The following TTC1 variants were observed in gnomAD, a reference collection of about 807,000 sequenced individuals.
The protein encoded by TTC1 is tetratricopeptide repeat protein 1.
TTC1 carries 31 observed loss-of-function variants against 37.6 expected under a neutral mutation model. The ratio of observed to expected loss-of-function variants is 0.82; its 90% confidence interval spans 0.62 to 1.11. The LOEUF (loss-of-function observed/expected upper bound fraction) is 1.11. Among genes scored for constraint, TTC1 ranks in the 50% most tolerant of loss-of-function variants. The probability of loss-of-function intolerance (pLI) is 0.00; values close to 1 mark genes in which losing one functional copy is unlikely to be tolerated. For missense variants in TTC1, 351 were observed against 339.0 expected (o/e 1.04, Z -0.28); for synonymous variants, 127 against 122.4 (o/e 1.04, Z -0.25).
intron 7 of TTC1, among the ~76,000 whole-genome samples, chr5:160,059,617 T>C (rs888412636): frequency 2.6e-5 from 4 of 152,214 alleles, no homozygotes; most frequent in Admixed American, 2.0e-4. Flanking sequence ...AATATTGTTG[T>C]GGCTTAGGGA....
At chr5:160,032,856 G>A (rs1348492544) in intron 2 of TTC1, among the ~76,000 whole-genome samples, 3 of 151,322 alleles carry the variant, frequency 2.0e-5, no homozygotes, top group African/African-American at 7.3e-5. Context: ...TGGGACTACA[G>A]GCGCCTGCCA....
At chr5:160,010,092 T>C (rs1756468287) in intron 1 of TTC1, among the ~76,000 whole-genome samples, 1 of 152,042 alleles carries the variant, frequency 6.6e-6, no homozygotes, top group African/African-American at 2.4e-5. Flanking sequence ...GCTTCTTTTG[T>C]TGCTTTTAAG....
At chr5:160,009,597 C>CAGAA (rs1554094757) in intron 1 of TTC1, among the ~76,000 whole-genome samples, 5 of 151,912 alleles carry the variant, frequency 3.3e-5, no homozygotes, top group Admixed American at 3.3e-4. Flanking sequence ...GGGATGAAAA[C>CAGAA]ATAAATAAAT....
At chr5:160,061,473 C>G (rs2113421244) in intron 7 of TTC1, among the ~76,000 whole-genome samples, 1 of 152,354 alleles carries the variant, frequency 6.6e-6, no homozygotes, top group South Asian at 2.1e-4. Context: ...CTTTGCATCT[C>G]TACCACACAT....
chr5:160,034,498 A>T (rs1265305624), intron 2 of TTC1, among the ~76,000 whole-genome samples: 2 of 152,162 alleles, frequency 1.3e-5, no homozygotes, highest in African/African-American at 4.8e-5. Context: ...TTGTACCCAC[A>T]AATGTGCTCT....
chr5:160,019,580 CTTTTTTTTTTTT>C (rs201420281), intron 2 of TTC1, among the ~76,000 whole-genome samples: 1 of 108,708 alleles, frequency 9.2e-6, no homozygotes, highest in African/African-American at 3.5e-5. Context: ...TTCTTTCATT[CTTTTTTTTTTTT>C]TTTTTTTTTT....
At chr5:160,019,580 C>CTTTTTTTTTTTTTTTT (rs201420281) in intron 2 of TTC1, among the ~76,000 whole-genome samples, 2 of 108,708 alleles carry the variant, frequency 1.8e-5, no homozygotes, top group Admixed American at 1.1e-4. Context: ...TTCTTTCATT[C>CTTTTTTTTTTTTTTTT]TTTTTTTTTT....
At chr5:160,035,118 G>A (rs765448335) in intron 2 of TTC1, 22 bp from the exon 3 acceptor site, 47 of 1,577,840 alleles carry the variant, frequency 3.0e-5, no homozygotes, top group Non-Finnish European at 3.6e-5. Context: ...GAGAAATTAT[G>A]TAATTCTCTG....
chr5:160,022,199 G>C (rs535225013), intron 2 of TTC1, among the ~76,000 whole-genome samples: 1 of 152,268 alleles, frequency 6.6e-6, no homozygotes, highest in South Asian at 2.1e-4. Context: ...GATAGATGGG[G>C]TATACACTTA....
At chr5:160,024,537 C>T (rs1165492335) in intron 2 of TTC1, among the ~76,000 whole-genome samples, 3 of 152,120 alleles carry the variant, frequency 2.0e-5, no homozygotes, top group African/African-American at 7.2e-5. Context: ...GACAGAGTAG[C>T]CCAAGCTGGA....
At chr5:160,048,455 A>G (rs887484799) in intron 5 of TTC1, among the ~76,000 whole-genome samples, 1 of 152,132 alleles carries the variant, frequency 6.6e-6, no homozygotes, top group Non-Finnish European at 1.5e-5. Context: ...ACACCCGGCC[A>G]GCACTGCTTT....
intron 1 of TTC1, 48 bp from the exon 2 acceptor site, chr5:160,010,451 TA>T: frequency 7.6e-7 from 1 of 1,314,246 alleles, no homozygotes; most frequent in East Asian, 2.3e-5. Flanking sequence ...ACAGAACTTT[TA>T]AAAATACAAG....
chr5:160,064,905 A>AT (rs761207699), intron 7 of TTC1, 27 bp from the exon 8 acceptor site: 24 of 1,603,060 alleles, frequency 1.5e-5, no homozygotes, highest in Non-Finnish European at 1.9e-5. Flanking sequence ...TCCTGTATTC[A>AT]TTTGAGTTTT....
intron 2 of TTC1, among the ~76,000 whole-genome samples, chr5:160,014,606 G>A (rs1233187528): frequency 6.6e-6 from 1 of 152,092 alleles, no homozygotes; most frequent in African/African-American, 2.4e-5. Context: ...AGGAGGCTGA[G>A]GTGGGAGGAT....
Position 160,029,481 on chromosome 5 carries a change from CAAA to C in TTC1, c.331-5643_331-5641del, listed in dbSNP as rs61227502. On this transcript the variant is annotated intron_variant, in intron 2 of 7. Transcript: ENST00000231238. ...ACATAGTGAGACCCCCCCATCTCTA[CAAA>C]AAAAAAAAAAAAAAATAGCTAGGCG... Among the ~76,000 whole-genome samples, 743 of 79,856 alleles carry C rather than the reference CAAA, an allele frequency of 9.3e-3. 8 individuals carry two copies. The highest frequency in any genetic ancestry group is 0.029 in the African/African-American group (700 of 23,798). 52.4% of individuals were successfully genotyped at this position (79,856 alleles called of 152,430 possible).
intron 7 of TTC1, among the ~76,000 whole-genome samples, chr5:160,058,367 A>G (rs1757600354): frequency 6.7e-6 from 1 of 148,956 alleles, no homozygotes; most frequent in Admixed American, 6.7e-5. Context: ...TAATGTTGGT[A>G]TTTTGACCAT....
chr5:160,029,467 C>CA (rs1301560289), intron 2 of TTC1, among the ~76,000 whole-genome samples: 1 of 122,908 alleles, frequency 8.1e-6, no homozygotes, highest in Admixed American at 1.0e-4. Flanking sequence ...CATAGTGAGA[C>CA]CCCCCCATCT....
At chr5:160,015,820 T>C (rs1489319546) in intron 2 of TTC1, among the ~76,000 whole-genome samples, 1 of 152,206 alleles carries the variant, frequency 6.6e-6, no homozygotes, top group Non-Finnish European at 1.5e-5. Context: ...GGACTTGTGA[T>C]TAGTGTCTGA....
At chr5:160,022,604 G>A (rs1468632923) in intron 2 of TTC1, among the ~76,000 whole-genome samples, 3 of 152,188 alleles carry the variant, frequency 2.0e-5, no homozygotes, top group Non-Finnish European at 4.4e-5. Context: ...TAATTAAGCA[G>A]ATAGGGGTAC....
Sources: gnomAD v4.1 joint callset for allele counts (sites outside exome capture counted in the v4.1 genomes callset) on GRCh38, gnomAD v4.1.1 for gene constraint, MANE v1.5 for transcripts, NCBI Gene and HGNC (gene_info 2026-07-23, HGNC 2026-07-21) for gene names.